ASB4: variants seen among roughly 807,000 people sequenced by gnomAD.
The protein encoded by ASB4 is ankyrin repeat and SOCS box protein 4.
A neutral mutation model predicts 38.6 loss-of-function variants in ASB4; 35 were observed. The ratio of observed to expected loss-of-function variants is 0.91; its 90% CI spans 0.69 to 1.20. The LOEUF is 1.20. Among genes scored for constraint, ASB4 ranks in the 50% most tolerant of loss-of-function variants. ASB4 has a pLI of 0.00. For missense variants in ASB4, 557 were observed against 527.2 expected, an observed-to-expected ratio of 1.06 and a Z score of -0.55; for synonymous variants, 195 against 201.3, an observed-to-expected ratio of 0.97 and a Z score of 0.26.
At chr7:95,505,686 T>TCC (rs11359538) in intron 2 of ASB4, among the ~76,000 whole-genome samples, 13 of 130,542 alleles carry the variant, frequency 1.0e-4, no homozygotes, top group African/African-American at 3.2e-4. Context: ...TCTATCCGTG[T>TCC]CCCCCCCCCC....
intron 2 of ASB4, among the ~76,000 whole-genome samples, chr7:95,513,293 ATG>A (rs3046862): frequency 0.016 from 1,428 of 89,188 alleles, 19 homozygotes; most frequent in African/African-American, 0.037. Flanking sequence ...AGCCAATAGA[ATG>A]TGTGTGTGTG....
the ASB4 span, among the ~76,000 whole-genome samples, chr7:95,545,244 G>A: frequency 6.6e-6 from 1 of 152,144 alleles, no homozygotes; most frequent in Admixed American, 6.5e-5. Context: ...TCTAAAGGCC[G>A]TCTTGAAGAA....
At chr7:95,495,658 T>G (rs2301681) in intron 1 of ASB4, 100 bp from the exon 2 acceptor site, 24 of 1,239,322 alleles carry the variant, frequency 1.9e-5, no homozygotes, top group Non-Finnish European at 2.4e-5. Flanking sequence ...CTTTTATAAA[T>G]GTGGCCAAAA....
At chr7:95,477,801 G>A (rs985505258), upstream of ASB4, among the ~76,000 whole-genome samples, 1 of 150,908 alleles carries the variant, frequency 6.6e-6, no homozygotes, top group Non-Finnish European at 1.5e-5. Flanking sequence ...TAAAAAGCAA[G>A]AGTGTTGTTT....
At position 95,536,470 on chromosome 7, in the gene ASB4, A is replaced by G; in HGVS notation, c.1012A>G (p.Ile338Val). The change falls in exon 4 of 5, where the codon ATT becomes GTT. Residue 338 changes from isoleucine (I) to valine (V), a missense_variant. Physicochemically the swap from Ile to Val is conservative, Grantham distance 29. Transcript: ENST00000325885. ...IQACHSCPKA[I>V]EVVVNAYEHI... ...GGCCTGCCATTCTTGTCCTAAAGCA[A>G]TTGAAGTTGTAGTCAATGCCTATGA... 1 of 1,613,234 alleles carries G rather than the reference A, an allele frequency of 6.2e-7. No homozygotes were observed. Among genetic ancestry groups the G allele is most frequent in the East Asian group, 2.2e-5 (1 of 44,876 alleles).
intron 2 of ASB4, among the ~76,000 whole-genome samples, chr7:95,526,643 C>T (rs1790740891): frequency 6.6e-6 from 1 of 152,060 alleles, no homozygotes; most frequent in Non-Finnish European, 1.5e-5. Context: ...AAAACTGCAC[C>T]CACTGCAAAG....
At chr7:95,523,008 G>A (rs1790684458) in intron 2 of ASB4, among the ~76,000 whole-genome samples, 1 of 152,084 alleles carries the variant, frequency 6.6e-6, no homozygotes. Flanking sequence ...ATTTTATAGG[G>A]TATAGTTTAT....
At chr7:95,522,392 G>C (rs1249973068) in intron 2 of ASB4, among the ~76,000 whole-genome samples, 3 of 143,080 alleles carry the variant, frequency 2.1e-5, no homozygotes, top group Non-Finnish European at 4.6e-5. Context: ...CTACACATGG[G>C]CTTAAGCAAA....
At chr7:95,532,039 G>A (rs111258249) in intron 3 of ASB4, among the ~76,000 whole-genome samples, 4,168 of 152,246 alleles carry the variant, frequency 0.027, 89 homozygotes, top group Middle Eastern at 0.068. Context: ...CTGTGTAGGA[G>A]AGCTGGCCCC....
Position 95,528,457 on chromosome 7 carries a change from G to A in ASB4, c.978+154G>A, listed in dbSNP as rs1290855301. On this transcript the variant is annotated intron_variant, in intron 3 of 4. Coordinates refer to ENST00000325885, the MANE Select transcript of ASB4 (RefSeq NM_016116.3). ...TTCCATTACATACCTAATCCTAGCT[G>A]TCTCCTCATCTCATCCTAGTCTAGG... The A allele has an allele frequency of 1.2e-5, 18 of 1,461,818 alleles. 1 individual carries two copies. In the South Asian group the frequency reaches 2.4e-4, roughly 20 times the overall value. 90.6% of individuals were successfully genotyped at this position (1,461,818 alleles called of 1,614,324 possible).
downstream of ASB4, among the ~76,000 whole-genome samples, chr7:95,545,159 G>A (rs1791016553): frequency 6.6e-6 from 1 of 152,054 alleles, no homozygotes; most frequent in African/African-American, 2.4e-5. Context: ...TGGCAGTTTG[G>A]CCTAAAGGAG....
At chr7:95,514,882 T>C (rs1038439726) in intron 2 of ASB4, among the ~76,000 whole-genome samples, 2 of 152,204 alleles carry the variant, frequency 1.3e-5, no homozygotes, top group African/African-American at 4.8e-5. Flanking sequence ...AAGGAGATGA[T>C]GGACTGAGAT....
At chr7:95,547,834 T>A in the ASB4 span, among the ~76,000 whole-genome samples, 1 of 152,074 alleles carries the variant, frequency 6.6e-6, no homozygotes, top group Non-Finnish European at 1.5e-5. Context: ...CAGATTGTCT[T>A]CAGATTCATG....
chr7:95,515,155 T>TCTTTC (rs1790537123), intron 2 of ASB4, among the ~76,000 whole-genome samples: 3 of 142,040 alleles, frequency 2.1e-5, no homozygotes, highest in Non-Finnish European at 4.6e-5. Context: ...TTTTCTTTCT[T>TCTTTC]TCTTTCTCTT....
At chr7:95,475,985 A>G (rs1164482272), upstream of ASB4, among the ~76,000 whole-genome samples, 1 of 152,220 alleles carries the variant, frequency 6.6e-6, no homozygotes, top group Non-Finnish European at 1.5e-5. Flanking sequence ...CCAAGATCCT[A>G]TTTCAAATAC....
At chr7:95,521,893 GA>G (rs1174486277) in intron 2 of ASB4, among the ~76,000 whole-genome samples, 2 of 151,972 alleles carry the variant, frequency 1.3e-5, no homozygotes, top group African/African-American at 4.8e-5. Flanking sequence ...CTCTGTGGAG[GA>G]AAAAATTATG....
chr7:95,495,982 T>C lies in ASB4; in HGVS notation c.412T>C (p.Leu138=). Residue 138 remains leucine (L), a synonymous_variant, in exon 2 of 5, where the codon TTA becomes CTA. Coordinates refer to ENST00000325885, the MANE Select transcript of ASB4 (RefSeq NM_016116.3). ...DRGAKLNCYS[L]SGHTALHFCT... ...TGGGGCAAAGCTCAATTGCTACTCCTTAAGTGGACACACAGCTTTGCACTT... is the reference window on the plus strand; with the variant it reads ...TGGGGCAAAGCTCAATTGCTACTCCCTAAGTGGACACACAGCTTTGCACTT... 1.2e-6 allele frequency: 2 copies of C among 1,614,134 alleles called. No homozygotes were observed. Among genetic ancestry groups the C allele is most frequent in the Non-Finnish European group, 1.7e-6 (2 of 1,179,988 alleles).
intron 2 of ASB4, among the ~76,000 whole-genome samples, chr7:95,502,417 T>C (rs1347989771): frequency 6.7e-6 from 1 of 149,672 alleles, no homozygotes; most frequent in African/African-American, 2.5e-5. Context: ...TGATAACACA[T>C]ATCAAAAGCT....
chr7:95,550,687 G>A, the ASB4 span, among the ~76,000 whole-genome samples: 1 of 152,146 alleles, frequency 6.6e-6, no homozygotes, highest in South Asian at 2.1e-4. Context: ...GATCTTTGAG[G>A]TAGAACCCAA....
Sources: gnomAD v4.1 joint callset for allele counts (sites outside exome capture counted in the v4.1 genomes callset) on GRCh38, gnomAD v4.1.1 for gene constraint, MANE v1.5 for transcripts, NCBI Gene and HGNC (gene_info 2026-07-23, HGNC 2026-07-21) for gene names.